The following TENM2 variants were observed in gnomAD, a reference collection of about 807,000 sequenced individuals.
The protein encoded by TENM2 is teneurin-2.
Under a neutral mutation model 245.2 loss-of-function variants are expected in TENM2, and 52 were observed. The observed-to-expected ratio is 0.21, with a 90% confidence interval of 0.17 to 0.27. The LOEUF is 0.27. Ranked by LOEUF, TENM2 falls within the 10% of genes least tolerant of loss-of-function variation. The probability of loss-of-function intolerance (pLI) is 1.00; values close to 1 mark genes in which losing one functional copy is unlikely to be tolerated. For synonymous variants in TENM2, 1,363 were observed against 1,438.9 expected, an observed-to-expected ratio of 0.95 and a Z score of 1.19; for missense variants, 3,046 against 3,666.8, an observed-to-expected ratio of 0.83 and a Z score of 4.37.
At chr5:168,063,317 G>T (rs1790207825) in intron 7 of TENM2, among the ~76,000 whole-genome samples, 1 of 152,100 alleles carries the variant, frequency 6.6e-6, no homozygotes, top group African/African-American at 2.4e-5. Flanking sequence ...TTACATTATG[G>T]ATTTCATTAT....
At chr5:167,601,992 G>A (rs1174748338) in intron 2 of TENM2, among the ~76,000 whole-genome samples, 3 of 149,260 alleles carry the variant, frequency 2.0e-5, no homozygotes, top group Admixed American at 1.4e-4. Flanking sequence ...GGAGAGAGAA[G>A]AAAGGGGAAG....
At chr5:167,822,565 C>A (rs1767620442) in intron 2 of TENM2, among the ~76,000 whole-genome samples, 1 of 152,192 alleles carries the variant, frequency 6.6e-6, no homozygotes, top group Admixed American at 6.5e-5. Context: ...GGATTTGTCA[C>A]CTTCATGACA....
intron 2 of TENM2, among the ~76,000 whole-genome samples, chr5:167,753,317 G>T (rs1222129198): frequency 6.6e-6 from 1 of 152,174 alleles, no homozygotes; most frequent in African/African-American, 2.4e-5. Context: ...TACTGTCAGA[G>T]GAAAAGAAAT....
At chr5:168,012,291 C>T (rs1207262331) in intron 5 of TENM2, among the ~76,000 whole-genome samples, 4 of 151,926 alleles carry the variant, frequency 2.6e-5, no homozygotes, top group South Asian at 2.1e-4. Context: ...TGTCAGGGCA[C>T]GTGGGAAGAT....
At chr5:167,493,351 T>C (rs1411855923) in intron 2 of TENM2, among the ~76,000 whole-genome samples, 1 of 152,124 alleles carries the variant, frequency 6.6e-6, no homozygotes, top group Non-Finnish European at 1.5e-5. Context: ...ATATTTATTA[T>C]GAGCATGGAC....
At chr5:167,209,242 T>C in the TENM2 span, among the ~76,000 whole-genome samples, 1 of 152,226 alleles carries the variant, frequency 6.6e-6, no homozygotes, top group East Asian at 1.9e-4. Context: ...TGAAAAACAT[T>C]TTTTAAAAGT....
intron 2 of TENM2, among the ~76,000 whole-genome samples, chr5:167,765,369 C>T (rs1408498599): frequency 6.6e-6 from 1 of 152,108 alleles, no homozygotes; most frequent in African/African-American, 2.4e-5. Context: ...CAGTTGTCTT[C>T]TTTCATCTAT....
intron 1 of TENM2, among the ~76,000 whole-genome samples, chr5:167,353,608 C>G (rs560013318): frequency 2.1e-5 from 3 of 141,482 alleles, no homozygotes; most frequent in Admixed American, 7.3e-5. Context: ...CCCGGGTTCA[C>G]GCCATTCTCC....
chr5:166,987,114 G>A, the TENM2 span, among the ~76,000 whole-genome samples: 1 of 152,088 alleles, frequency 6.6e-6, no homozygotes, highest in Non-Finnish European at 1.5e-5. Flanking sequence ...GAGGGGCACT[G>A]GTTCTTTTTA....
intron 13 of TENM2, 117 bp downstream of exon 15, chr5:168,162,874 A>C (rs926666051): frequency 7.7e-7 from 1 of 1,292,386 alleles, no homozygotes; most frequent in African/African-American, 1.5e-5. Flanking sequence ...TGTTGTTGTA[A>C]CATTTTCTTT....
chr5:168,058,413 G>A (rs247999), intron 6 of TENM2, among the ~76,000 whole-genome samples: 66,370 of 152,030 alleles, frequency 0.44, 15,590 homozygotes, highest in African/African-American at 0.62. Context: ...AGAGACTTAG[G>A]AAGGCATGCA....
intron 22 of TENM2, 107 bp downstream of exon 24, chr5:168,217,029 A>G: frequency 8.0e-7 from 1 of 1,256,286 alleles, no homozygotes; most frequent in Non-Finnish European, 1.1e-6. Context: ...GGAGAGATAC[A>G]GATACAGATC....
intron 2 of TENM2, among the ~76,000 whole-genome samples, chr5:167,451,234 G>C (rs1765564511): frequency 1.3e-5 from 2 of 152,138 alleles, no homozygotes; most frequent in Admixed American, 1.3e-4. Context: ...AAGATTGTCA[G>C]AGCCTCCCCA....
intron 2 of TENM2, among the ~76,000 whole-genome samples, chr5:167,508,952 G>A (rs551512861): frequency 2.0e-5 from 3 of 152,114 alleles, no homozygotes; most frequent in Admixed American, 6.5e-5. Flanking sequence ...CCAAGTAGCT[G>A]GGATTACAGA....
chr5:166,982,572 C>G, the TENM2 span, among the ~76,000 whole-genome samples: 2 of 152,090 alleles, frequency 1.3e-5, no homozygotes, highest in African/African-American at 4.8e-5. Context: ...AGAGGCACAA[C>G]TTAGCATCAC....
the TENM2 span, among the ~76,000 whole-genome samples, chr5:167,101,276 C>T: frequency 6.6e-6 from 1 of 152,176 alleles, no homozygotes; most frequent in Non-Finnish European, 1.5e-5. Context: ...CAAGAAGCCT[C>T]TAGTCTAGTT....
the TENM2 span, among the ~76,000 whole-genome samples, chr5:167,069,861 CTG>C: frequency 0.43 from 65,272 of 151,778 alleles, 14,598 homozygotes; most frequent in African/African-American, 0.51. Flanking sequence ...GGCATGTAAA[CTG>C]TAACAGAAAT....
At chr5:167,723,900 C>T (rs534276547) in intron 2 of TENM2, among the ~76,000 whole-genome samples, 2 of 152,148 alleles carry the variant, frequency 1.3e-5, no homozygotes, top group African/African-American at 2.4e-5. Context: ...TGCTAAGGAA[C>T]GTGAATCTAA....
intron 28 of TENM2, among the ~76,000 whole-genome samples, chr5:168,261,680 G>A (rs1048506318): frequency 6.6e-6 from 1 of 152,228 alleles, no homozygotes; most frequent in African/African-American, 2.4e-5. Flanking sequence ...GGGCAAGGCA[G>A]TTGCCAACCA....
Sources: gnomAD v4.1 joint callset for allele counts (sites outside exome capture counted in the v4.1 genomes callset) on GRCh38, gnomAD v4.1.1 for gene constraint, MANE v1.5 for transcripts, NCBI Gene and HGNC (gene_info 2026-07-23, HGNC 2026-07-21) for gene names.